CST5: variants seen among roughly 807,000 people sequenced by gnomAD.
CST5 encodes cystatin-D.
A neutral mutation model predicts 11.5 loss-of-function variants in CST5; 13 were observed. The ratio of observed to expected loss-of-function variants is 1.13; its 90% CI spans 0.73 to 1.79. CST5 has a LOEUF of 1.79. Ranked by LOEUF, CST5 falls within the 40% of genes most tolerant of loss-of-function variation. CST5 has a pLI of 0.00. For missense variants in CST5, 219 were observed against 174.5 expected (o/e 1.25, Z -1.44); for synonymous variants, 81 against 67.6 (o/e 1.20, Z -0.97).
At chr20:23,876,982 G>A (rs191503583) in intron 2 of CST5, among the ~76,000 whole-genome samples, 190 of 152,206 alleles carry the variant, frequency 1.2e-3, no homozygotes, top group African/African-American at 4.5e-3. Flanking sequence ...TGACCTCCCA[G>A]TAACCATTAC....
rs1207042421 is a variant in CST5 at position 23,879,558 on chromosome 20, T to A, written c.119A>T (p.Asn40Ile). The A allele has an allele frequency of 6.2e-7, 1 of 1,613,978 alleles. No homozygotes were observed. Among genetic ancestry groups the A allele is most frequent in the Admixed American group, 1.7e-5 (1 of 60,002 alleles). The change falls in exon 1 of 3, where the codon AAT (asparagine) becomes ATT (isoleucine). Residue 40 changes from asparagine (N) to isoleucine (I), a missense_variant. Transcript: ENST00000304710. ...CAGGGCACACTGCACACTCTTGTCA[T>A]TGAGGTCTGTGGCATGGATGCCACC... ...LAGGIHATDL[N>I]DKSVQCALDF...
At position 23,876,290 on chromosome 20, in the gene CST5, G is replaced by A. The variant is rs758819974; in HGVS notation, c.346-19C>T. The A allele has an allele frequency of 6.3e-7, 1 of 1,587,470 alleles. No individual in the cohort carries two copies. Among genetic ancestry groups the A allele is most frequent in the Non-Finnish European group, 8.6e-7 (1 of 1,156,086 alleles). ...ACTCTTCCTGTGAAAAGAAAGAGATGGAGAAAATGACTGTGGGTTACAGTT... is the reference window on the plus strand; with the variant it reads ...ACTCTTCCTGTGAAAAGAAAGAGATAGAGAAAATGACTGTGGGTTACAGTT... On this transcript the variant is annotated intron_variant, in intron 2 of 2. Transcript: ENST00000304710.
intron 1 of CST5, among the ~76,000 whole-genome samples, chr20:23,877,873 G>T (rs1468864111): frequency 3.9e-5 from 6 of 152,206 alleles, no homozygotes; most frequent in Admixed American, 3.9e-4. Flanking sequence ...GCAGGGGCAG[G>T]GCAGATGGAA....
chr20:23,879,540 C>T lies in CST5; in HGVS notation c.137G>A (p.Cys46Tyr), dbSNP rs777095406. 1.3e-5 allele frequency: 21 copies of T among 1,613,946 alleles called. No individual in the cohort carries two copies. Among genetic ancestry groups the T allele is most frequent in the Admixed American group, 8.3e-5 (5 of 60,002 alleles). Residue 46 changes from cysteine to tyrosine, a missense_variant, in exon 1 of 3, where the codon TGT becomes TAT. Cys to Tyr is a radical substitution (Grantham distance 194). Transcript: ENST00000304710. ...CTCGCTGATGGCAAAGTCCAGGGCA[C>T]ACTGCACACTCTTGTCATTGAGGTC... ...ATDLNDKSVQ[C>Y]ALDFAISEYN... is the part of the protein sequence containing the mutation.
In CST5 at chr20:23,875,973, G is replaced by A. The variant is rs1393778853; in HGVS notation, c.*215C>T. ...TTAATTGCAGGAGGTGGGAGAGTGT[G>A]CACTGCACACTGGGGCTATGAGAAG... On this transcript the variant is annotated 3_prime_UTR_variant, in exon 3 of 3. Coordinates refer to ENST00000304710, the MANE Select transcript of CST5 (RefSeq NM_001900.5). 2.1e-6 allele frequency: 1 copy of A among 480,462 alleles called. No homozygotes were observed. Among genetic ancestry groups the A allele is most frequent in the Non-Finnish European group, 3.7e-6 (1 of 267,684 alleles). 29.8% of individuals were successfully genotyped at this position (480,462 alleles called of 1,614,324 possible). A position where few individuals can be genotyped will look rare whatever the true frequency, so the allele number is the denominator to read the frequency against.
chr20:23,876,483 C>T (rs368234717), intron 2 of CST5, among the ~76,000 whole-genome samples: 2 of 152,130 alleles, frequency 1.3e-5, no homozygotes, highest in East Asian at 1.9e-4. Flanking sequence ...CACCAGGTGA[C>T]ATTGGGCCTT....
chr20:23,878,757 C>T (rs1452982458), intron 1 of CST5, among the ~76,000 whole-genome samples: 1 of 152,202 alleles, frequency 6.6e-6, no homozygotes, highest in Non-Finnish European at 1.5e-5. Context: ...CCTGTGGTCG[C>T]TGTGTCACTG....
rs1985952276 is a variant in CST5, at chr20:23,875,968, A to T, written c.*220T>A. ...ACTGTTTAATTGCAGGAGGTGGGAG[A>T]GTGTGCACTGCACACTGGGGCTATG... On this transcript the variant is annotated 3_prime_UTR_variant, in exon 3 of 3. Transcript: ENST00000304710. 4 of 440,538 alleles carry T rather than the reference A, an allele frequency of 9.1e-6. No individual in the cohort carries two copies. The highest frequency in any genetic ancestry group is 1.6e-5 in the Non-Finnish European group (4 of 245,526). 27.3% of individuals were successfully genotyped at this position (440,538 alleles called of 1,614,324 possible). A position where few individuals can be genotyped will look rare whatever the true frequency, so the allele number is the denominator to read the frequency against.
chr20:23,877,711 C>T (rs112824138), intron 1 of CST5, 93 bp from the exon 2 acceptor site: 2 of 1,058,024 alleles, frequency 1.9e-6, no homozygotes, highest in East Asian at 2.5e-5. Context: ...CTGGGCTTGC[C>T]TGGGGCTTCA....
Position 23,877,485 on chromosome 20 carries a change from G to A in CST5, c.345+20C>T. The stretch of plus-strand genomic sequence containing the variant: ...CTGCTCTGCGGTACTTGATGCCCCT[G>A]ACCCACATCAGGCACATACCTCTTT... On this transcript the variant is annotated intron_variant, in intron 2 of 2. Coordinates refer to ENST00000304710, the MANE Select transcript of CST5 (RefSeq NM_001900.5). 1 of 1,592,288 alleles carries A rather than the reference G, an allele frequency of 6.3e-7. No homozygotes were observed. The highest frequency in any genetic ancestry group is 8.6e-7 in the Non-Finnish European group (1 of 1,160,238).
intron 2 of CST5, 116 bp from the exon 3 acceptor site, chr20:23,876,387 T>A: frequency 1.3e-6 from 1 of 776,316 alleles, no homozygotes; most frequent in Non-Finnish European, 2.1e-6. Flanking sequence ...CACTGCCCCC[T>A]GACCCCAACC....
At chr20:23,878,864 T>C (rs1310317655) in intron 1 of CST5, among the ~76,000 whole-genome samples, 1 of 152,222 alleles carries the variant, frequency 6.6e-6, no homozygotes, top group African/African-American at 2.4e-5. Context: ...TGCTGGGTGA[T>C]TGCTGTCCTC....
chr20:23,876,499 C>T (rs750101366), intron 2 of CST5, among the ~76,000 whole-genome samples: 1 of 152,188 alleles, frequency 6.6e-6, no homozygotes, highest in Non-Finnish European at 1.5e-5. Context: ...GCCTTCACCC[C>T]AGCCTGCAGG....
intron 1 of CST5, among the ~76,000 whole-genome samples, chr20:23,879,232 T>C (rs1360528718): frequency 6.6e-6 from 1 of 152,176 alleles, no homozygotes; most frequent in Non-Finnish European, 1.5e-5. Context: ...CAGTGGCTGC[T>C]GCAGGTTAAA....
chr20:23,879,735 C>T lies in CST5; in HGVS notation c.-59G>A. ...TCCCAGAGAGCAAAGCAGCAGAAGG[C>T]TGAGGCAGGAAGCCCAGGCCAGAAG... On this transcript the variant is annotated 5_prime_UTR_variant, in exon 1 of 3. Transcript: ENST00000304710. The T allele has an allele frequency of 1.3e-6, 2 of 1,544,276 alleles. No individual in the cohort carries two copies. Among genetic ancestry groups the T allele is most frequent in the Non-Finnish European group, 1.8e-6 (2 of 1,131,480 alleles).
At position 23,879,250 on chromosome 20, in the gene CST5, G is replaced by A. The variant is rs112019391; in HGVS notation, c.231+196C>T. ...TGGCTGCTGCAGGTTAAAAGAGGCC[G>A]AGGGGACAGGACAGGGCTGAACTCA... On this transcript the variant is annotated intron_variant, in intron 1 of 2. Transcript: ENST00000304710. 1.1e-3 allele frequency among the ~76,000 whole-genome samples: 166 copies of A among 152,314 alleles called. 1 individual carries two copies. The highest frequency in any genetic ancestry group is 3.7e-3 in the African/African-American group (154 of 41,562).
chr20:23,876,173 G>A lies in CST5; in HGVS notation c.*15C>T, dbSNP rs780990330. The A allele has an allele frequency of 1.2e-6, 2 of 1,603,340 alleles. No individual in the cohort carries two copies. Among genetic ancestry groups the A allele is most frequent in the African/African-American group, 1.3e-5 (1 of 74,838 alleles). ...GAGTAGGAGGTGGTCAGTGTGACAG[G>A]CCTTGCACAGACCCCTAGACTTTCC... is the stretch of plus-strand genomic sequence containing the variant. On this transcript the variant is annotated 3_prime_UTR_variant, in exon 3 of 3. Coordinates refer to ENST00000304710, the MANE Select transcript of CST5 (RefSeq NM_001900.5).
chr20:23,877,980 G>T (rs1411597401), intron 1 of CST5, among the ~76,000 whole-genome samples: 3 of 152,180 alleles, frequency 2.0e-5, no homozygotes, highest in African/African-American at 7.2e-5. Flanking sequence ...CTGGCACCAG[G>T]CTTGCAGGGC....
intron 1 of CST5, 60 bp downstream of exon 1, chr20:23,879,384 TGG>T: frequency 8.1e-7 from 1 of 1,237,540 alleles, no homozygotes; most frequent in Non-Finnish European, 1.2e-6. Context: ...GGGAGTGCTC[TGG>T]GGGGTGAGGC....
Sources: gnomAD v4.1 joint callset for allele counts (sites outside exome capture counted in the v4.1 genomes callset) on GRCh38, gnomAD v4.1.1 for gene constraint, MANE v1.5 for transcripts, NCBI Gene and HGNC (gene_info 2026-07-23, HGNC 2026-07-21) for gene names.